The following PCDHGB7 variants were observed in gnomAD, a reference collection of about 807,000 sequenced individuals.
PCDHGB7 encodes the protein protocadherin gamma-B7.
PCDHGB7 carries 37 observed loss-of-function variants against 61.4 expected under a neutral mutation model. The observed-to-expected ratio is 0.60, with a 90% CI of 0.46 to 0.79. The LOEUF (loss-of-function observed/expected upper bound fraction) is 0.79. PCDHGB7 is among the 30% of genes least tolerant of loss of function. The pLI, the probability that PCDHGB7 is intolerant of heterozygous loss-of-function variation, is 0.00. For missense variants in PCDHGB7, 1,166 were observed against 1,202.5 expected (o/e 0.97, Z 0.45); for synonymous variants, 464 against 503.5 (o/e 0.92, Z 1.05).
rs746487145 is a variant in PCDHGB7 at position 141,505,415 on chromosome 5, G to A, written c.2497G>A (p.Gly833Ser). 7.4e-6 allele frequency: 12 copies of A among 1,614,074 alleles called. No individual in the cohort carries two copies. The East Asian group carries it at 1.3e-4, about 18-fold the overall frequency. Residue 833 changes from glycine to serine, a missense_variant, in exon 3 of 4, where the codon GGC (glycine) becomes AGC (serine). Gly to Ser is a moderately conservative substitution (Grantham distance 56, BLOSUM62 0). Coordinates refer to ENST00000398594, the MANE Select transcript of PCDHGB7 (RefSeq NM_018927.4). ...CAGCTCCCAAAATGGCGATGACACC[G>A]GCACCTGGCCCAACAACCAGTTTGA... ...TSGSQNGDDT[G>S]TWPNNQFDTE...
rs188546091 is a variant in PCDHGB7, at chr5:141,418,643, C to A, written c.784C>A (p.Leu262Met). ...REDVPPGTSI[L>M]RVKATDQDEG... is the part of the protein sequence containing the mutation. The stretch of plus-strand genomic sequence containing the variant: ...AGACGTGCCTCCAGGCACCTCCATC[C>A]TGAGAGTGAAGGCCACTGACCAGGA... Residue 262 changes from leucine to methionine, a missense_variant, in exon 1 of 4, where the codon CTG becomes ATG. Coordinates refer to ENST00000398594, the MANE Select transcript of PCDHGB7 (RefSeq NM_018927.4). 2.9e-5 allele frequency: 46 copies of A among 1,614,022 alleles called. No individual in the cohort carries two copies. Among genetic ancestry groups the A allele is most frequent in the Admixed American group, 6.7e-5 (4 of 60,036 alleles).
At position 141,476,097 on chromosome 5, in the gene PCDHGB7, A is replaced by G. The variant is rs1366023758; in HGVS notation, c.2416-18710A>G. 1 of 1,571,812 alleles carries G rather than the reference A, an allele frequency of 6.4e-7. No individual in the cohort carries two copies. Among genetic ancestry groups the G allele is most frequent in the African/African-American group, 1.4e-5 (1 of 73,826 alleles). ...CAGGGACGATCTGGACCCCGCTGAG[A>G]GGAACTGCTTTTGAGTGAGATGGTC... On this transcript the variant is annotated intron_variant, in intron 1 of 3. Coordinates refer to ENST00000398594, the MANE Select transcript of PCDHGB7 (RefSeq NM_018927.4). The surrounding 1 kb of genome is among the most constrained non-coding windows in gnomAD (Gnocchi z 7.6).
In PCDHGB7 at chr5:141,429,386, T is replaced by A. The variant is rs534045300; in HGVS notation, c.2415+9112T>A. Among the ~76,000 whole-genome samples the A allele has an allele frequency of 4.0e-3, 602 of 151,936 alleles. 6 individuals carry two copies. The highest frequency in any genetic ancestry group is 0.011 in the Admixed American group (171 of 15,268). On this transcript the variant is annotated intron_variant, in intron 1 of 3. Coordinates refer to ENST00000398594, the MANE Select transcript of PCDHGB7 (RefSeq NM_018927.4). ...AAAATGGAGAAAATGTGTTTTTTTTTTAAAAAAAATTGAGATTAAGGTCTC... is the reference window on the plus strand; with the variant it reads ...AAAATGGAGAAAATGTGTTTTTTTTATAAAAAAAATTGAGATTAAGGTCTC...
intron 1 of PCDHGB7, among the ~76,000 whole-genome samples, chr5:141,483,638 G>A (rs1159840764): frequency 1.4e-5 from 2 of 147,222 alleles, no homozygotes; most frequent in South Asian, 2.1e-4. Flanking sequence ...AGGTATAGAG[G>A]GGTGTGTGTT....
chr5:141,453,796 T>C (rs1592274016), intron 1 of PCDHGB7, among the ~76,000 whole-genome samples: 1 of 152,242 alleles, frequency 6.6e-6, no homozygotes, highest in East Asian at 1.9e-4. Context: ...ATATTAACTT[T>C]GAGTAGTTCC....
chr5:141,447,738 A>C (rs1365302023), intron 1 of PCDHGB7, among the ~76,000 whole-genome samples: 7 of 152,216 alleles, frequency 4.6e-5, no homozygotes, highest in Non-Finnish European at 8.8e-5. Context: ...ATTGAACTTA[A>C]GAGTCTTGCA....
chr5:141,498,737 G>A (rs1176793634), intron 2 of PCDHGB7, among the ~76,000 whole-genome samples: 1 of 152,076 alleles, frequency 6.6e-6, no homozygotes, highest in African/African-American at 2.4e-5. Context: ...TTTGAGACCA[G>A]CCTGGCCAAC....
In PCDHGB7 at chr5:141,431,930, C is replaced by A. The variant is rs761060241; in HGVS notation, c.2415+11656C>A. 236 of 1,613,932 alleles carry A rather than the reference C, an allele frequency of 1.5e-4. 1 individual carries two copies. The highest frequency in any genetic ancestry group is 1.4e-3 in the South Asian group (124 of 91,086). The stretch of plus-strand genomic sequence containing the variant: ...GATCTGTTTCATCCAAGGAAATCTG[C>A]CCTTTAAATTAGAAAAATCTTACGG... On this transcript the variant is annotated intron_variant, in intron 1 of 3. Transcript: ENST00000398594. This position sits in a 1 kb window ranked among gnomAD's most constrained non-coding sequence, Gnocchi z 4.8.
At chr5:141,450,453 C>T (rs1202828231) in intron 1 of PCDHGB7, among the ~76,000 whole-genome samples, 3 of 152,058 alleles carry the variant, frequency 2.0e-5, no homozygotes, top group East Asian at 1.9e-4. Flanking sequence ...TATGTTTCCT[C>T]GTGATTTTAT....
chr5:141,490,142 C>T lies in PCDHGB7; in HGVS notation c.2416-4665C>T. On this transcript the variant is annotated intron_variant, in intron 1 of 3. Transcript: ENST00000398594. This position sits in a 1 kb window ranked among gnomAD's most constrained non-coding sequence, Gnocchi z 5.4. ...TTTGGCCTAGACCCTAGCAGTGGGG[C>T]AATCCATGTGTTGGGTCCCATAGAC... 2 of 1,614,220 alleles carry T rather than the reference C, an allele frequency of 1.2e-6. No individual in the cohort carries two copies. Among genetic ancestry groups the T allele is most frequent in the South Asian group, 1.1e-5 (1 of 91,088 alleles).
In PCDHGB7 at chr5:141,490,413, G is replaced by C. The variant is rs2233606; in HGVS notation, c.2416-4394G>C. 6 of 1,614,128 alleles carry C rather than the reference G, an allele frequency of 3.7e-6. No individual in the cohort carries two copies. In the South Asian group the frequency reaches 4.4e-5, roughly 12 times the overall value. On this transcript the variant is annotated intron_variant, in intron 1 of 3. Transcript: ENST00000398594. The surrounding 1 kb of genome is among the most constrained non-coding windows in gnomAD (Gnocchi z 5.4). ...GTGAAGTGAGCCTTGATATCTCTCCGGACCTGCCATTTCAGATTAAGCCTT... is the reference window on the plus strand; with the variant it reads ...GTGAAGTGAGCCTTGATATCTCTCCCGACCTGCCATTTCAGATTAAGCCTT...
chr5:141,453,680 A>G (rs1466590010), intron 1 of PCDHGB7, among the ~76,000 whole-genome samples: 1 of 152,220 alleles, frequency 6.6e-6, no homozygotes, highest in Non-Finnish European at 1.5e-5. Context: ...GTAACACACT[A>G]TGTAGGTAGT....
At chr5:141,428,147 G>C (rs771536400) in intron 1 of PCDHGB7, 1 of 1,589,612 alleles carries the variant, frequency 6.3e-7, no homozygotes, top group Admixed American at 1.7e-5. Flanking sequence ...GGCTGCACAC[G>C]GGAACCTGCT....
intron 1 of PCDHGB7, among the ~76,000 whole-genome samples, chr5:141,472,980 C>CAAA (rs60579131): frequency 5.8e-5 from 5 of 86,104 alleles, no homozygotes; most frequent in Non-Finnish European, 1.0e-4. Context: ...GAGTGAAACT[C>CAAA]AAAAAAAAAA....
intron 1 of PCDHGB7, among the ~76,000 whole-genome samples, chr5:141,472,213 C>T (rs1294676431): frequency 2.0e-5 from 3 of 152,178 alleles, no homozygotes; most frequent in African/African-American, 7.2e-5. Flanking sequence ...TAAGACCTTA[C>T]TCTCGATCAT....
In PCDHGB7 at chr5:141,485,186, G is replaced by T; in HGVS notation, c.2416-9621G>T. ...GCGGGCGGCAGCAATGCTCCGCAAG[G>T]TGAGAAGCTGGACAGAAATCTGGCG... On this transcript the variant is annotated intron_variant, in intron 1 of 3. Coordinates refer to ENST00000398594, the MANE Select transcript of PCDHGB7 (RefSeq NM_018927.4). This position sits in a 1 kb window ranked among gnomAD's most constrained non-coding sequence, Gnocchi z 5.7. 1 of 1,613,706 alleles carries T rather than the reference G, an allele frequency of 6.2e-7. No individual in the cohort carries two copies. The highest frequency in any genetic ancestry group is 8.5e-7 in the Non-Finnish European group (1 of 1,179,644).
intron 3 of PCDHGB7, 57 bp from the exon 4 acceptor site, chr5:141,510,890 A>G (rs1434557860): frequency 1.2e-5 from 20 of 1,612,748 alleles, no homozygotes; most frequent in South Asian, 3.3e-5. Context: ...GATATAAGAC[A>G]GTGACTGTTG....
In PCDHGB7 at chr5:141,460,961, A is replaced by ATATGTGTGTG. The variant is rs1463306338; in HGVS notation, c.2416-33845_2416-33844insATGTGTGTGT. On this transcript the variant is annotated intron_variant, in intron 1 of 3. Coordinates refer to ENST00000398594, the MANE Select transcript of PCDHGB7 (RefSeq NM_018927.4). ...ATATATATGTATTATGTATATATAT[A>ATATGTGTGTG]TGTGTGTGTGTGTGTGTGTGTGTAT... Among the ~76,000 whole-genome samples the ATATGTGTGTG allele has an allele frequency of 1.3e-3, 194 of 144,616 alleles. 1 individual carries two copies. The highest frequency in any genetic ancestry group is 4.7e-3 in the African/African-American group (182 of 38,716). 94.9% of individuals were successfully genotyped at this position (144,616 alleles called of 152,430 possible). A position where few individuals can be genotyped will look rare whatever the true frequency, so the allele number is the denominator to read the frequency against.
chr5:141,476,831 G>C lies in PCDHGB7; in HGVS notation c.2416-17976G>C, dbSNP rs779348525. ...TCACATCAAGGTGCTGGACGCGAAT[G>C]ACAATGCGCCTGTCTTCAACCAGTC... On this transcript the variant is annotated intron_variant, in intron 1 of 3. Transcript: ENST00000398594. This position sits in a 1 kb window ranked among gnomAD's most constrained non-coding sequence, Gnocchi z 7.6. 1 of 1,613,504 alleles carries C rather than the reference G, an allele frequency of 6.2e-7. No homozygotes were observed. Among genetic ancestry groups the C allele is most frequent in the Non-Finnish European group, 8.5e-7 (1 of 1,180,050 alleles).
Sources: gnomAD v4.1 joint callset for allele counts (sites outside exome capture counted in the v4.1 genomes callset) on GRCh38, gnomAD v4.1.1 for gene constraint, Gnocchi (gnomAD v3.1) non-coding constraint, MANE v1.5 for transcripts, NCBI Gene and HGNC (gene_info 2026-07-23, HGNC 2026-07-21) for gene names.